Variants in NDST4 observed in about 807,000 individuals in gnomAD.
NDST4 encodes the protein N-heparan sulfate sulfotransferase 4.
In NDST4, 63 loss-of-function variants were observed where a neutral mutation model predicts 100.8. That is an observed-to-expected ratio of 0.62 (90% CI 0.51 to 0.77). The LOEUF is 0.77. NDST4 is among the 30% of genes least tolerant of loss of function. NDST4 has a pLI of 0.00. For synonymous variants in NDST4, 377 were observed against 361.8 expected (o/e 1.04, Z -0.48); for missense variants, 943 against 1,018.4 (o/e 0.93, Z 1.01).
intron 2 of NDST4, among the ~76,000 whole-genome samples, chr4:115,074,727 C>T (rs1325135277): frequency 6.6e-6 from 1 of 151,968 alleles, no homozygotes; most frequent in African/African-American, 2.4e-5. Context: ...TTACAGTGGC[C>T]ATCAGGTCTT....
At chr4:114,967,561 T>G (rs985282045) in intron 4 of NDST4, among the ~76,000 whole-genome samples, 7 of 151,716 alleles carry the variant, frequency 4.6e-5, no homozygotes, top group Non-Finnish European at 1.0e-4. Context: ...GGCTCTAGAG[T>G]AGGAGTGTAG....
chr4:114,929,113 C>CATCCATCCATCCATCT (rs1578395038), intron 6 of NDST4, among the ~76,000 whole-genome samples: 95 of 117,458 alleles, frequency 8.1e-4, no homozygotes, highest in South Asian at 3.8e-3. Context: ...TCCATCCATC[C>CATCCATCCATCCATCT]ATCTATCTAT....
intron 6 of NDST4, among the ~76,000 whole-genome samples, chr4:114,931,017 A>G (rs1725500200): frequency 6.6e-6 from 1 of 152,064 alleles, no homozygotes; most frequent in Non-Finnish European, 1.5e-5. Flanking sequence ...GTTTCAATTC[A>G]GCTTTATATT....
chr4:115,096,028 C>A (rs566526341), intron 1 of NDST4, among the ~76,000 whole-genome samples: 1 of 152,050 alleles, frequency 6.6e-6, no homozygotes, highest in Admixed American at 6.6e-5. Flanking sequence ...TCACAATCCC[C>A]CTTACCCAGT....
chr4:114,887,113 C>T (rs1376669058), intron 6 of NDST4, among the ~76,000 whole-genome samples: 1 of 152,062 alleles, frequency 6.6e-6, no homozygotes, highest in East Asian at 1.9e-4. Context: ...ATGTGAAATC[C>T]AATATTCCTC....
At chr4:115,082,735 A>G (rs1292533426) in intron 1 of NDST4, among the ~76,000 whole-genome samples, 1 of 152,204 alleles carries the variant, frequency 6.6e-6, no homozygotes, top group Non-Finnish European at 1.5e-5. Flanking sequence ...GAACGGAACT[A>G]AGATTAAACT....
At chr4:115,002,792 A>C (rs1303280557) in intron 2 of NDST4, among the ~76,000 whole-genome samples, 1 of 152,152 alleles carries the variant, frequency 6.6e-6, no homozygotes, top group East Asian at 1.9e-4. Flanking sequence ...GGTTTATTGC[A>C]GAACTATTTA....
At chr4:115,023,705 G>A (rs1727912948) in intron 2 of NDST4, among the ~76,000 whole-genome samples, 1 of 152,080 alleles carries the variant, frequency 6.6e-6, no homozygotes, top group Non-Finnish European at 1.5e-5. Context: ...TTAAGGAGAA[G>A]AAACAAGGGT....
intron 9 of NDST4, 78 bp from the exon 10 acceptor site, chr4:114,846,075 A>T: frequency 9.5e-7 from 1 of 1,050,754 alleles, no homozygotes; most frequent in South Asian, 1.6e-5. Context: ...TAATTGGAAC[A>T]TTTTAATATT....
chr4:114,980,432 A>G (rs2126245762), intron 2 of NDST4, among the ~76,000 whole-genome samples: 1 of 152,226 alleles, frequency 6.6e-6, no homozygotes, highest in East Asian at 1.9e-4. Context: ...TTTTGAGGTC[A>G]GAAGTTCAAG....
rs377700187 is a variant in NDST4 at position 114,941,121 on chromosome 4, T to C, written c.1222-3618A>G. 8.5e-5 allele frequency among the ~76,000 whole-genome samples: 13 copies of C among 152,346 alleles called. No individual in the cohort carries two copies. In the East Asian group the frequency reaches 1.4e-3, roughly 16 times the overall value. On this transcript the variant is annotated intron_variant, in intron 4 of 13. Coordinates refer to ENST00000264363, the MANE Select transcript of NDST4 (RefSeq NM_022569.3). The stretch of plus-strand genomic sequence containing the variant: ...CCTGCCTCATGTCTGCATCAATATT[T>C]ATGAAGTATTTTTACATTTACGTGT...
chr4:115,048,916 G>T (rs1728522758), intron 2 of NDST4, among the ~76,000 whole-genome samples: 1 of 149,444 alleles, frequency 6.7e-6, no homozygotes, highest in Non-Finnish European at 1.5e-5. Context: ...TAGGATTACA[G>T]GTGTGAGCCA....
chr4:114,995,951 A>C (rs1727151378), intron 2 of NDST4, among the ~76,000 whole-genome samples: 1 of 152,150 alleles, frequency 6.6e-6, no homozygotes, highest in Non-Finnish European at 1.5e-5. Flanking sequence ...CATACAAGTC[A>C]TATGCAATAT....
chr4:114,905,800 G>T (rs930920261), intron 6 of NDST4, among the ~76,000 whole-genome samples: 3 of 151,936 alleles, frequency 2.0e-5, no homozygotes, highest in East Asian at 1.9e-4. Context: ...GGTAATCAGA[G>T]AATTTTGTAT....
intron 4 of NDST4, among the ~76,000 whole-genome samples, chr4:114,954,881 C>T (rs936953063): frequency 3.9e-5 from 6 of 152,012 alleles, no homozygotes; most frequent in Non-Finnish European, 7.4e-5. Flanking sequence ...TCTGGTTGTT[C>T]GAACATGTGT....
chr4:115,066,495 A>C (rs28369395), intron 2 of NDST4, among the ~76,000 whole-genome samples: 1 of 152,138 alleles, frequency 6.6e-6, no homozygotes, highest in African/African-American at 2.4e-5. Context: ...TCCTCTTGCA[A>C]GTAAGTTTGA....
chr4:114,999,574 C>T (rs956820223), intron 2 of NDST4, among the ~76,000 whole-genome samples: 3 of 151,976 alleles, frequency 2.0e-5, no homozygotes, highest in Non-Finnish European at 4.4e-5. Flanking sequence ...GGACACCTGG[C>T]TTTTCCAAAT....
At chr4:114,846,142 T>A (rs1282857546) in intron 9 of NDST4, 145 bp from the exon 10 acceptor site, 3 of 746,034 alleles carry the variant, frequency 4.0e-6, no homozygotes, top group Admixed American at 3.1e-5. Context: ...AGATATTCTA[T>A]ACACATTGAA....
At chr4:114,887,649 C>G (rs1017706643) in intron 6 of NDST4, among the ~76,000 whole-genome samples, 5 of 152,274 alleles carry the variant, frequency 3.3e-5, no homozygotes, top group African/African-American at 1.2e-4. Context: ...CCCAAACTAT[C>G]TAGCTTAAAG....
Sources: allele counts gnomAD v4.1 joint callset (sites outside exome capture counted in the v4.1 genomes callset), GRCh38; gene constraint gnomAD v4.1.1; transcripts MANE v1.5; gene names NCBI Gene and HGNC (gene_info 2026-07-23, HGNC 2026-07-21).